Variants in NTM observed in about 807,000 individuals in gnomAD.
NTM encodes the protein neurotrimin.
In NTM, 13 loss-of-function variants were observed where a neutral mutation model predicts 42.1. The observed-to-expected ratio is 0.31, with a 90% confidence interval of 0.20 to 0.49. The LOEUF (loss-of-function observed/expected upper bound fraction) is 0.49. NTM is among the 20% of genes least tolerant of loss of function. NTM has a pLI of 0.99. For missense variants in NTM, 373 were observed against 452.8 expected, an observed-to-expected ratio of 0.82 and a Z score of 1.60; for synonymous variants, 187 against 179.2, an observed-to-expected ratio of 1.04 and a Z score of -0.35.
chr11:131,760,603 T>C (rs2084001707), intron 1 of NTM, among the ~76,000 whole-genome samples: 1 of 152,156 alleles, frequency 6.6e-6, no homozygotes, highest in South Asian at 2.1e-4. Flanking sequence ...CACTGCACTG[T>C]TTCCACGCAC....
chr11:132,304,893 G>C (rs918578145), intron 4 of NTM, among the ~76,000 whole-genome samples: 5 of 152,190 alleles, frequency 3.3e-5, no homozygotes, highest in Non-Finnish European at 7.3e-5. Context: ...AAGCCTCACT[G>C]TTCCTGCAGG....
At chr11:131,873,350 G>A (rs907396077) in intron 1 of NTM, among the ~76,000 whole-genome samples, 4 of 151,170 alleles carry the variant, frequency 2.6e-5, no homozygotes, top group South Asian at 2.1e-4. Flanking sequence ...ATCACACACC[G>A]GGGCCTGTTG....
chr11:131,598,174 T>C (rs1349316139), intron 1 of NTM, among the ~76,000 whole-genome samples: 1 of 141,246 alleles, frequency 7.1e-6, no homozygotes, highest in Non-Finnish European at 1.6e-5. Context: ...ACTCACAGTT[T>C]ATCAGAGGTG....
chr11:131,757,830 G>A (rs954655453), intron 1 of NTM, among the ~76,000 whole-genome samples: 1 of 152,144 alleles, frequency 6.6e-6, no homozygotes, highest in African/African-American at 2.4e-5. Flanking sequence ...TTAGTAAAAT[G>A]TGCCAGAATT....
chr11:132,027,410 T>C (rs2075330777), intron 2 of NTM, among the ~76,000 whole-genome samples: 1 of 152,258 alleles, frequency 6.6e-6, no homozygotes, highest in African/African-American at 2.4e-5. Flanking sequence ...TATTTTAACA[T>C]TTATTGCAAG....
chr11:131,603,771 G>A (rs78442948), intron 1 of NTM, among the ~76,000 whole-genome samples: 4,882 of 152,182 alleles, frequency 0.032, 248 homozygotes, highest in African/African-American at 0.11. Context: ...GAATATCAAT[G>A]GACTCATATA....
intron 2 of NTM, among the ~76,000 whole-genome samples, chr11:132,070,609 G>A (rs1487995063): frequency 8.2e-6 from 1 of 121,364 alleles, no homozygotes; most frequent in Non-Finnish European, 1.7e-5. Flanking sequence ...TCACAGGTTA[G>A]TTAACACATC....
At chr11:132,131,085 C>T (rs1381580905) in intron 2 of NTM, among the ~76,000 whole-genome samples, 1 of 152,222 alleles carries the variant, frequency 6.6e-6, no homozygotes, top group Non-Finnish European at 1.5e-5. Flanking sequence ...AAAACATTGT[C>T]ATGAAATGTC....
chr11:131,980,627 A>G (rs1026368928), intron 2 of NTM, among the ~76,000 whole-genome samples: 2 of 152,184 alleles, frequency 1.3e-5, no homozygotes, highest in African/African-American at 4.8e-5. Flanking sequence ...AGTCTACCCC[A>G]CTAATTCATA....
intron 1 of NTM, 192 bp downstream of exon 1, chr11:131,371,080 C>T (rs1941104817): frequency 2.6e-5 from 26 of 985,252 alleles, no homozygotes; most frequent in Non-Finnish European, 3.1e-5. Flanking sequence ...TGGCTGCTAC[C>T]GGAATGGGGG....
At chr11:132,157,966 G>A (rs1429681327) in intron 3 of NTM, among the ~76,000 whole-genome samples, 1 of 152,140 alleles carries the variant, frequency 6.6e-6, no homozygotes, top group East Asian at 1.9e-4. Context: ...CCTCTCCCAA[G>A]CTGCTGTTAC....
chr11:132,280,348 C>T (rs749905466), intron 4 of NTM, among the ~76,000 whole-genome samples: 7 of 152,150 alleles, frequency 4.6e-5, no homozygotes, highest in Non-Finnish European at 8.8e-5. Flanking sequence ...GACACTCCAG[C>T]AGAAACATGC....
At chr11:131,461,593 G>A (rs11222647) in intron 1 of NTM, among the ~76,000 whole-genome samples, 9,256 of 152,188 alleles carry the variant, frequency 0.061, 655 homozygotes, top group East Asian at 0.21. Flanking sequence ...ACTTGTAGCT[G>A]TAAGAGGAAT....
intron 1 of NTM, among the ~76,000 whole-genome samples, chr11:131,734,392 T>C (rs560246417): frequency 6.6e-6 from 1 of 152,274 alleles, no homozygotes; most frequent in Non-Finnish European, 1.5e-5. Context: ...TAGTGAGTCT[T>C]TTCTTCCTTC....
chr11:132,207,835 T>C (rs1040331332), intron 3 of NTM, among the ~76,000 whole-genome samples: 40 of 152,212 alleles, frequency 2.6e-4, no homozygotes, highest in African/African-American at 8.9e-4. Context: ...GTGGCATCCA[T>C]GTCAAGGTTG....
chr11:131,385,573 C>T (rs1943213288), intron 1 of NTM, among the ~76,000 whole-genome samples: 1 of 152,160 alleles, frequency 6.6e-6, no homozygotes, highest in Admixed American at 6.5e-5. Context: ...GCTAAACAGG[C>T]TGGGCTCAGT....
chr11:131,506,258 G>T (rs1048873961), intron 1 of NTM, among the ~76,000 whole-genome samples: 4 of 152,128 alleles, frequency 2.6e-5, no homozygotes, highest in Non-Finnish European at 4.4e-5. Context: ...TTCTCAGGGG[G>T]TTTATGGACC....
At chr11:131,524,560 T>C (rs1383073760) in intron 1 of NTM, among the ~76,000 whole-genome samples, 1 of 152,186 alleles carries the variant, frequency 6.6e-6, no homozygotes, top group Non-Finnish European at 1.5e-5. Context: ...TAGAAAATAG[T>C]AAAAGTGACT....
At chr11:131,631,386 T>C (rs78825618) in intron 1 of NTM, among the ~76,000 whole-genome samples, 2,314 of 152,328 alleles carry the variant, frequency 0.015, 64 homozygotes, top group African/African-American at 0.053. Context: ...TTCTGTTTCC[T>C]GTCCATAATA....
Sources: gnomAD v4.1 joint callset for allele counts (sites outside exome capture counted in the v4.1 genomes callset) on GRCh38, gnomAD v4.1.1 for gene constraint, MANE v1.5 for transcripts, NCBI Gene and HGNC (gene_info 2026-07-23, HGNC 2026-07-21) for gene names.